VPS13D: variants seen among roughly 807,000 people sequenced by gnomAD.
VPS13D encodes intermembrane lipid transfer protein VPS13D.
In VPS13D, 187 loss-of-function variants were observed where a neutral mutation model predicts 461.9. That is an observed-to-expected ratio of 0.40 (90% CI 0.36 to 0.46). VPS13D has a LOEUF of 0.46. Ranked by LOEUF, VPS13D falls within the 20% of genes least tolerant of loss-of-function variation. The pLI is 0.60. For missense variants in VPS13D, 4,711 were observed against 5,364.9 expected, an observed-to-expected ratio of 0.88 and a Z score of 3.81; for synonymous variants, 1,951 against 1,986.3, an observed-to-expected ratio of 0.98 and a Z score of 0.47.
chr1:12,238,728 G>A (rs528137446), intron 2 of VPS13D, among the ~76,000 whole-genome samples: 9 of 151,074 alleles, frequency 6.0e-5, no homozygotes, highest in African/African-American at 1.2e-4. Context: ...AACTTTTGGC[G>A]ATCCTGAAGC....
intron 15 of VPS13D, 29 bp downstream of exon 15, chr1:12,267,949 A>T (rs554282969): frequency 6.4e-7 from 1 of 1,561,464 alleles, no homozygotes; most frequent in South Asian, 1.2e-5. Flanking sequence ...TTTTTTTAAA[A>T]TTTTTAAATT....
At chr1:12,385,517 G>A in intron 59 of VPS13D, 144 bp downstream of exon 59, 1 of 633,124 alleles carries the variant, frequency 1.6e-6, no homozygotes, top group Non-Finnish European at 2.7e-6. Flanking sequence ...CTGTTTATCA[G>A]TGAATGTGTG....
At position 12,273,041 on chromosome 1, in the gene VPS13D, T is replaced by TGCCCCTCAGGTGATATTTCC; in HGVS notation, c.2143_2162dup (p.Asp722ProfsTer4). On this transcript the variant is annotated frameshift_variant, in exon 18 of 70. Coordinates refer to ENST00000620676, the MANE Select transcript of VPS13D (RefSeq NM_015378.4). LOFTEE classifies it high-confidence loss of function. ...GATGGACCGTGCGGCTGGATATTTC[T>TGCCCCTCAGGTGATATTTCC]GCCCCTCAGGTGATATTTCCTGATG... The TGCCCCTCAGGTGATATTTCC allele has an allele frequency of 6.2e-7, 1 of 1,614,152 alleles. No homozygotes were observed. The highest frequency in any genetic ancestry group is 8.5e-7 in the Non-Finnish European group (1 of 1,180,000).
Position 12,333,383 on chromosome 1 carries a change from C to T in VPS13D, c.8428+17C>T, listed in dbSNP as rs750345076. ...TGCTAATTGGTGAGTAGAAAGTTGT[C>T]TTTCATAGACTGATACCTTTCCGTA... On this transcript the variant is annotated intron_variant, in intron 38 of 69. Coordinates refer to ENST00000620676, the MANE Select transcript of VPS13D (RefSeq NM_015378.4). The T allele has an allele frequency of 6.2e-7, 1 of 1,613,056 alleles. No homozygotes were observed. The highest frequency in any genetic ancestry group is 8.5e-7 in the Non-Finnish European group (1 of 1,179,518).
At chr1:12,359,798 A>G (rs549684881) in intron 50 of VPS13D, among the ~76,000 whole-genome samples, 1 of 152,248 alleles carries the variant, frequency 6.6e-6, no homozygotes, top group East Asian at 1.9e-4. Flanking sequence ...TTTTAAAAGA[A>G]AGAAACTTGA....
chr1:12,480,050 G>T (rs1645692926), intron 67 of VPS13D, among the ~76,000 whole-genome samples: 2 of 152,188 alleles, frequency 1.3e-5, no homozygotes, highest in South Asian at 4.1e-4. Flanking sequence ...TAGTGCCAGT[G>T]CCTAGAGAAG....
intron 65 of VPS13D, among the ~76,000 whole-genome samples, chr1:12,450,542 T>TA (rs1267908498): frequency 6.6e-6 from 1 of 152,180 alleles, no homozygotes; most frequent in Non-Finnish European, 1.5e-5. Flanking sequence ...TGAGTTTTGA[T>TA]CTTCCTGGGC....
chr1:12,445,839 C>G (rs908263643), intron 65 of VPS13D, among the ~76,000 whole-genome samples: 1 of 152,208 alleles, frequency 6.6e-6, no homozygotes, highest in Non-Finnish European at 1.5e-5. Flanking sequence ...CATTCCCATT[C>G]TACCTCCTCT....
At chr1:12,326,955 T>C (rs1643207190) in intron 35 of VPS13D, among the ~76,000 whole-genome samples, 2 of 152,184 alleles carry the variant, frequency 1.3e-5, no homozygotes, top group South Asian at 4.1e-4. Context: ...TAATTTTTAT[T>C]TCTTCAGTAG....
Position 12,336,072 on chromosome 1 carries a change from A to G in VPS13D, c.8551+245A>G, listed in dbSNP as rs1019310035. ...AAAAGATCTGCAACACGTAATTCCT[A>G]AATCCTGGTAATAATGCATATGAAC... is the stretch of plus-strand genomic sequence containing the variant. On this transcript the variant is annotated intron_variant, in intron 39 of 69. Coordinates refer to ENST00000620676, the MANE Select transcript of VPS13D (RefSeq NM_015378.4). The G allele has an allele frequency of 1.8e-5, 8 of 438,420 alleles. No individual in the cohort carries two copies. In the South Asian group the frequency reaches 2.2e-4, roughly 12 times the overall value. The allele number at this position is 438,420 out of a possible 1,614,324, so 27.2% of individuals were successfully genotyped here.
chr1:12,261,263 T>G, intron 12 of VPS13D, 114 bp downstream of exon 12: 1 of 1,250,516 alleles, frequency 8.0e-7, no homozygotes. Context: ...ACAGTTTATG[T>G]TCATAGAGGC....
At chr1:12,278,113 C>T in intron 19 of VPS13D, 75 bp downstream of exon 19, 5 of 1,420,670 alleles carry the variant, frequency 3.5e-6, no homozygotes, top group Non-Finnish European at 4.7e-6. Flanking sequence ...TTGCGTAAAA[C>T]AGCAACAATA....
At chr1:12,256,587 A>G in intron 8 of VPS13D, 84 bp downstream of exon 8, 4 of 1,475,890 alleles carry the variant, frequency 2.7e-6, no homozygotes, top group East Asian at 2.3e-5. Context: ...TATCCTCAGC[A>G]GGAAAGAAAG....
Position 12,396,029 on chromosome 1 carries a change from A to ATATATATATATATATT in VPS13D, c.11635-4152_11635-4151insTATATATATATATATT, listed in dbSNP as rs1553187933. Among the ~76,000 whole-genome samples the ATATATATATATATATT allele has an allele frequency of 3.6e-3, 437 of 119,750 alleles. 34 individuals carry two copies. Among genetic ancestry groups the ATATATATATATATATT allele is most frequent in the African/African-American group, 0.012 (320 of 26,116 alleles). 78.6% of individuals were successfully genotyped at this position (119,750 alleles called of 152,430 possible). On this transcript the variant is annotated intron_variant, in intron 60 of 69. Coordinates refer to ENST00000620676, the MANE Select transcript of VPS13D (RefSeq NM_015378.4). ...TATATATATATATATATATATATAT[A>ATATATATATATATATT]GTTCTTTAAGATCAATAAAATTAAT...
intron 65 of VPS13D, among the ~76,000 whole-genome samples, chr1:12,421,937 T>G (rs1644869624): frequency 6.6e-6 from 1 of 152,130 alleles, no homozygotes; most frequent in African/African-American, 2.4e-5. Context: ...TCCTCCCACC[T>G]CAGCCTCCAG....
At chr1:12,488,472 C>G (rs995418794) in intron 67 of VPS13D, among the ~76,000 whole-genome samples, 1 of 152,068 alleles carries the variant, frequency 6.6e-6, no homozygotes, top group Non-Finnish European at 1.5e-5. Flanking sequence ...TTCCTTTATA[C>G]TACTTTGTTC....
At chr1:12,380,024 C>A (rs1425001533) in intron 57 of VPS13D, among the ~76,000 whole-genome samples, 2 of 152,174 alleles carry the variant, frequency 1.3e-5, no homozygotes, top group African/African-American at 4.8e-5. Flanking sequence ...CCGCCTTGGC[C>A]TCCCAAAGTG....
At chr1:12,406,079 T>C (rs1644650309) in intron 63 of VPS13D, among the ~76,000 whole-genome samples, 2 of 151,614 alleles carry the variant, frequency 1.3e-5, no homozygotes, top group African/African-American at 4.8e-5. Context: ...TTTCAAATCA[T>C]TGTGAAACAA....
intron 1 of VPS13D, among the ~76,000 whole-genome samples, chr1:12,230,787 A>G (rs1639941550): frequency 6.6e-6 from 1 of 150,436 alleles, no homozygotes; most frequent in South Asian, 2.1e-4. Context: ...TTTACCCCCC[A>G]GGGTCACGCC....
Sources: gnomAD v4.1 joint callset for allele counts (sites outside exome capture counted in the v4.1 genomes callset) on GRCh38, gnomAD v4.1.1 for gene constraint, MANE v1.5 for transcripts, NCBI Gene and HGNC (gene_info 2026-07-23, HGNC 2026-07-21) for gene names.